MEI4: variants seen among roughly 807,000 people sequenced by gnomAD.
The protein encoded by MEI4 is meiosis-specific protein MEI4.
A neutral mutation model predicts 31.4 loss-of-function variants in MEI4; 27 were observed. The observed-to-expected ratio is 0.86, with a 90% confidence interval of 0.63 to 1.19. The LOEUF (loss-of-function observed/expected upper bound fraction) is 1.19, where lower values mean the gene tolerates loss of function less well. Among genes scored for constraint, MEI4 ranks in the 50% most tolerant of loss-of-function variants. The pLI is 0.00. For synonymous variants in MEI4, 122 were observed against 145.4 expected (o/e 0.84, Z 1.16); for missense variants, 329 against 398.9 (o/e 0.82, Z 1.49).
At chr6:77,674,621 C>T (rs941325751) in intron 1 of MEI4, among the ~76,000 whole-genome samples, 2 of 53,260 alleles carry the variant, frequency 3.8e-5, no homozygotes, top group African/African-American at 3.4e-4. Context: ...CTGTTAAGTA[C>T]TTTCTATGAG....
At chr6:77,878,270 CA>C (rs1771393937) in intron 4 of MEI4, among the ~76,000 whole-genome samples, 1 of 152,068 alleles carries the variant, frequency 6.6e-6, no homozygotes, top group Non-Finnish European at 1.5e-5. Flanking sequence ...ATGGCAAATA[CA>C]AATGAATTAG....
chr6:77,873,092 A>T (rs1354827177), intron 4 of MEI4, among the ~76,000 whole-genome samples: 2 of 152,148 alleles, frequency 1.3e-5, no homozygotes, highest in East Asian at 1.9e-4. Context: ...TTATAGCAGC[A>T]TGATTTATAG....
chr6:77,672,188 A>C (rs997370459), intron 1 of MEI4, among the ~76,000 whole-genome samples: 1 of 152,194 alleles, frequency 6.6e-6, no homozygotes, highest in Non-Finnish European at 1.5e-5. Flanking sequence ...AGAAAGATAC[A>C]TTTTCCTTGC....
chr6:77,847,104 T>G lies in MEI4; in HGVS notation c.900+18042T>G, dbSNP rs1029106822. 2.8e-5 allele frequency among the ~76,000 whole-genome samples: 3 copies of G among 106,136 alleles called. No individual in the cohort carries two copies. The highest frequency in any genetic ancestry group is 2.9e-4 in the South Asian group (1 of 3,484). The allele number at this position is 106,136 out of a possible 152,430, so 69.6% of individuals were successfully genotyped here. ...AGTTGAAAGGAGTGAGGGAATATTG[T>G]TTTTTTTTGGTGAGTTAATGAAAAA... On this transcript the variant is annotated intron_variant, in intron 4 of 4. Coordinates refer to ENST00000684080, the MANE Select transcript of MEI4 (RefSeq NM_001322247.2). This position sits in a 1 kb window ranked among gnomAD's most constrained non-coding sequence, Gnocchi z 4.6.
At chr6:77,903,428 A>C (rs895396030) in intron 4 of MEI4, among the ~76,000 whole-genome samples, 1 of 152,140 alleles carries the variant, frequency 6.6e-6, no homozygotes, top group Non-Finnish European at 1.5e-5. Context: ...AAGTGTTCTG[A>C]GCATACTTAA....
intron 3 of MEI4, among the ~76,000 whole-genome samples, chr6:77,768,135 C>CT (rs1240142731): frequency 6.6e-6 from 1 of 152,140 alleles, no homozygotes; most frequent in Non-Finnish European, 1.5e-5. Flanking sequence ...ACTGGAAGTA[C>CT]TTAACCAGTA....
chr6:77,908,820 C>A (rs1282550196), intron 4 of MEI4, among the ~76,000 whole-genome samples: 4 of 152,028 alleles, frequency 2.6e-5, no homozygotes, highest in Non-Finnish European at 5.9e-5. Context: ...TATATATGTA[C>A]CCAATACAGG....
upstream of MEI4, among the ~76,000 whole-genome samples, chr6:77,652,015 A>G (rs1466333317): frequency 6.6e-6 from 1 of 152,162 alleles, no homozygotes; most frequent in Non-Finnish European, 1.5e-5. Context: ...AGAATATTTT[A>G]ATTCTTTCAT....
intron 4 of MEI4, among the ~76,000 whole-genome samples, chr6:77,831,507 TTA>T (rs71546073): frequency 0.014 from 2,055 of 147,404 alleles, 39 homozygotes; most frequent in African/African-American, 0.043. Flanking sequence ...AAAGATAATT[TTA>T]TATATATATA....
At chr6:77,732,910 G>A (rs936395376) in intron 2 of MEI4, among the ~76,000 whole-genome samples, 18 of 151,190 alleles carry the variant, frequency 1.2e-4, no homozygotes, top group Admixed American at 5.3e-4. Context: ...CTTTGGTTCT[G>A]TTTATATGCT....
At chr6:77,765,694 C>A (rs1582118762) in intron 3 of MEI4, among the ~76,000 whole-genome samples, 1 of 151,250 alleles carries the variant, frequency 6.6e-6, no homozygotes, top group Non-Finnish European at 1.5e-5. Context: ...TGGGTATATA[C>A]CCAAAGGATT....
intron 4 of MEI4, among the ~76,000 whole-genome samples, chr6:77,910,699 G>A (rs2127738696): frequency 6.6e-6 from 1 of 152,024 alleles, no homozygotes; most frequent in Non-Finnish European, 1.5e-5. Flanking sequence ...ATTGGGTATT[G>A]GCTATTGTGA....
chr6:77,873,909 A>G (rs1367278230), intron 4 of MEI4, among the ~76,000 whole-genome samples: 4 of 152,166 alleles, frequency 2.6e-5, no homozygotes, highest in East Asian at 3.9e-4. Flanking sequence ...AAGATCAGAT[A>G]GTTGTAGATA....
At chr6:77,912,294 G>C (rs1168620906) in intron 4 of MEI4, among the ~76,000 whole-genome samples, 3 of 152,024 alleles carry the variant, frequency 2.0e-5, no homozygotes, top group Non-Finnish European at 4.4e-5. Context: ...CCTCGGGATT[G>C]CTTTGGATAT....
intron 1 of MEI4, 27 bp from the exon 2 acceptor site, chr6:77,690,631 T>C: frequency 9.1e-7 from 1 of 1,100,416 alleles, no homozygotes; most frequent in Non-Finnish European, 1.2e-6. Context: ...AAAGAATTTC[T>C]ATAACTTTTT....
At chr6:77,736,952 A>C (rs1208530140) in intron 2 of MEI4, among the ~76,000 whole-genome samples, 1 of 152,170 alleles carries the variant, frequency 6.6e-6, no homozygotes, top group East Asian at 1.9e-4. Flanking sequence ...AAGTGGGAAC[A>C]ATGTAAAGTA....
intron 2 of MEI4, among the ~76,000 whole-genome samples, chr6:77,742,546 G>A (rs1051655676): frequency 5.3e-5 from 8 of 152,088 alleles, no homozygotes; most frequent in African/African-American, 9.7e-5. Flanking sequence ...AGTAGTTTGC[G>A]AAAATTTTCT....
intron 3 of MEI4, among the ~76,000 whole-genome samples, chr6:77,804,554 G>T (rs564011720): frequency 6.6e-6 from 1 of 152,236 alleles, no homozygotes; most frequent in East Asian, 1.9e-4. Flanking sequence ...CTCACGCTGG[G>T]ATCTGTAGAC....
chr6:77,753,998 T>A (rs1020526940), intron 2 of MEI4, among the ~76,000 whole-genome samples: 2 of 151,594 alleles, frequency 1.3e-5, no homozygotes, highest in Non-Finnish European at 2.9e-5. Context: ...AACTAACACA[T>A]CAGCAGAAAA....
Sources: allele counts gnomAD v4.1 joint callset (sites outside exome capture counted in the v4.1 genomes callset), GRCh38; gene constraint gnomAD v4.1.1; non-coding constraint Gnocchi (gnomAD v3.1); transcripts MANE v1.5; gene names NCBI Gene and HGNC (gene_info 2026-07-23, HGNC 2026-07-21).